PRKN: variants seen among roughly 807,000 people sequenced by gnomAD.
PRKN encodes the protein parkin RBR E3 ubiquitin protein ligase, also known as E3 ubiquitin-protein ligase parkin.
Under a neutral mutation model 59.5 loss-of-function variants are expected in PRKN, and 56 were observed. The ratio of observed to expected loss-of-function variants is 0.94; its 90% CI spans 0.76 to 1.18. The LOEUF (loss-of-function observed/expected upper bound fraction) is 1.18, where lower values mean the gene tolerates loss of function less well. PRKN is among the 50% of genes most tolerant of loss of function. The pLI, the probability that PRKN is intolerant of heterozygous loss-of-function variation, is 0.00. For synonymous variants in PRKN, 250 were observed against 222.1 expected (o/e 1.13, Z -1.12); for missense variants, 657 against 596.4 (o/e 1.10, Z -1.06).
At chr6:161,726,234 A>T (rs1787435218) in intron 7 of PRKN, among the ~76,000 whole-genome samples, 2 of 152,226 alleles carry the variant, frequency 1.3e-5, no homozygotes, top group Admixed American at 1.3e-4. Flanking sequence ...GGATTCAAAG[A>T]TGTGTCATAT....
chr6:162,660,538 G>A (rs1778838356), intron 1 of PRKN, among the ~76,000 whole-genome samples: 1 of 152,136 alleles, frequency 6.6e-6, no homozygotes, highest in Non-Finnish European at 1.5e-5. Flanking sequence ...TTGGATAACT[G>A]CTTCCTTCCC....
At chr6:161,885,672 A>T (rs1795120262) in intron 6 of PRKN, among the ~76,000 whole-genome samples, 1 of 151,516 alleles carries the variant, frequency 6.6e-6, no homozygotes, top group Non-Finnish European at 1.5e-5. Context: ...CTCAAAAAAA[A>T]AAAAAAAAAA....
intron 2 of PRKN, among the ~76,000 whole-genome samples, chr6:162,399,014 A>C (rs1787627331): frequency 6.6e-6 from 1 of 152,214 alleles, no homozygotes; most frequent in Non-Finnish European, 1.5e-5. Context: ...AAGTATTATG[A>C]AAAATGGGAC....
rs540459997 is a variant in PRKN, at chr6:162,637,561, T to C, written c.7+90101A>G. Among the ~76,000 whole-genome samples, 9 of 152,254 alleles carry C rather than the reference T, an allele frequency of 5.9e-5. No individual in the cohort carries two copies. In the South Asian group the frequency reaches 1.7e-3, roughly 28 times the overall value. On this transcript the variant is annotated intron_variant, in intron 1 of 11. Transcript: ENST00000366898. ...ACTTTGACCTTCACTTTGAGTCCCA[T>C]GGACATTCCTTCTATCCACACAGAA...
intron 6 of PRKN, among the ~76,000 whole-genome samples, chr6:161,797,240 T>C (rs1790888277): frequency 6.6e-6 from 1 of 152,196 alleles, no homozygotes; most frequent in African/African-American, 2.4e-5. Context: ...TTTTCTTTTC[T>C]TTTTATTCTT....
intron 9 of PRKN, among the ~76,000 whole-genome samples, chr6:161,534,479 C>T (rs150772396): frequency 2.0e-5 from 3 of 152,218 alleles, no homozygotes; most frequent in Non-Finnish European, 4.4e-5. Flanking sequence ...AGCAGCTCCA[C>T]GTGTGGGCAA....
chr6:162,171,200 G>A (rs1407465715), intron 4 of PRKN, among the ~76,000 whole-genome samples: 1 of 152,032 alleles, frequency 6.6e-6, no homozygotes, highest in African/African-American at 2.4e-5. Context: ...TATGAGGATG[G>A]TGCACACAGA....
intron 1 of PRKN, among the ~76,000 whole-genome samples, chr6:162,663,240 A>G (rs1778963884): frequency 6.6e-6 from 1 of 152,202 alleles, no homozygotes; most frequent in Admixed American, 6.5e-5. Flanking sequence ...CCTGTGAGGC[A>G]GGCACCATTA....
intron 4 of PRKN, among the ~76,000 whole-genome samples, chr6:162,148,537 T>A (rs948542792): frequency 6.6e-6 from 1 of 152,126 alleles, no homozygotes; most frequent in East Asian, 1.9e-4. Flanking sequence ...AAAGGTCCTA[T>A]GCAGGTAGCA....
chr6:162,467,488 C>G (rs79778110), intron 1 of PRKN, among the ~76,000 whole-genome samples: 1 of 152,062 alleles, frequency 6.6e-6, no homozygotes, highest in Non-Finnish European at 1.5e-5. Context: ...AAAAATTTAG[C>G]GATCGTCATC....
At chr6:162,222,079 C>A (rs1018276901) in intron 3 of PRKN, among the ~76,000 whole-genome samples, 1 of 151,980 alleles carries the variant, frequency 6.6e-6, no homozygotes, top group African/African-American at 2.4e-5. Context: ...GAATAACGAC[C>A]TTTTACTCTT....
intron 3 of PRKN, among the ~76,000 whole-genome samples, chr6:162,204,385 G>T (rs1298671793): frequency 1.3e-5 from 2 of 152,142 alleles, no homozygotes; most frequent in Non-Finnish European, 2.9e-5. Flanking sequence ...ATGAAGCACA[G>T]GACATCTCAA....
At chr6:161,987,765 C>G (rs1433143301) in intron 5 of PRKN, among the ~76,000 whole-genome samples, 1 of 152,088 alleles carries the variant, frequency 6.6e-6, no homozygotes, top group Non-Finnish European at 1.5e-5. Flanking sequence ...AATACTGCAT[C>G]TAAAATAAGT....
In PRKN at chr6:161,374,205, T is replaced by C. The variant is rs138956049; in HGVS notation, c.1167+12589A>G. Among the ~76,000 whole-genome samples the C allele has an allele frequency of 1.3e-3, 201 of 152,160 alleles. 1 individual carries two copies. The highest frequency in any genetic ancestry group is 4.8e-3 in the African/African-American group (198 of 41,514). On this transcript the variant is annotated intron_variant, in intron 10 of 11. Transcript: ENST00000366898. ...GCGAGTGTGTGCAGTGTTATGTATCTGTGTGTGGTGTGTGTTCTGTGTGTA... is the reference window on the plus strand; with the variant it reads ...GCGAGTGTGTGCAGTGTTATGTATCCGTGTGTGGTGTGTGTTCTGTGTGTA...
intron 2 of PRKN, among the ~76,000 whole-genome samples, chr6:162,320,426 A>C (rs1171230788): frequency 6.7e-6 from 1 of 149,534 alleles, no homozygotes; most frequent in Non-Finnish European, 1.5e-5. Context: ...AACCAAAAAA[A>C]AAAAAAACCC....
chr6:162,572,202 GA>G (rs1465326396), intron 1 of PRKN, among the ~76,000 whole-genome samples: 1 of 152,120 alleles, frequency 6.6e-6, no homozygotes, highest in Non-Finnish European at 1.5e-5. Flanking sequence ...CTGTCATGCT[GA>G]ATGAGTTAAA....
Position 161,431,117 on chromosome 6 carries a change from C to T in PRKN, c.1084-44240G>A, listed in dbSNP as rs866767141. ...TCACTCCACTGCACTTCAGCCTGGG[C>T]AACAGAGCGAGACTCTGTCTCAAAA... On this transcript the variant is annotated intron_variant, in intron 9 of 11. Transcript: ENST00000366898. Among the ~76,000 whole-genome samples the T allele has an allele frequency of 1.2e-4, 16 of 131,820 alleles. No homozygotes were observed. In the South Asian group the frequency reaches 2.8e-3, roughly 23 times the overall value. The allele number at this position is 131,820 out of a possible 152,430, so 86.5% of individuals were successfully genotyped here. A position where few individuals can be genotyped will look rare whatever the true frequency, so the allele number is the denominator to read the frequency against.
At chr6:162,626,814 CAA>C (rs5881483) in intron 1 of PRKN, among the ~76,000 whole-genome samples, 156 of 133,808 alleles carry the variant, frequency 1.2e-3, no homozygotes, top group South Asian at 2.9e-3. Flanking sequence ...ACTCTGTCTC[CAA>C]AAAAAAAAAA....
intron 7 of PRKN, among the ~76,000 whole-genome samples, chr6:161,779,335 G>C (rs950175085): frequency 1.3e-5 from 2 of 151,388 alleles, no homozygotes; most frequent in African/African-American, 4.9e-5. Flanking sequence ...GGTTCCATCA[G>C]CTCTTGTTCC....
Sources: allele counts gnomAD v4.1 joint callset (sites outside exome capture counted in the v4.1 genomes callset), GRCh38; gene constraint gnomAD v4.1.1; transcripts MANE v1.5; gene names NCBI Gene and HGNC (gene_info 2026-07-23, HGNC 2026-07-21).